Variants in TMC3 observed in about 807,000 individuals in gnomAD.
The protein encoded by TMC3 is transmembrane channel like 3.
Under a neutral mutation model 110.6 loss-of-function variants are expected in TMC3, and 98 were observed. That is an observed-to-expected ratio of 0.89 (90% confidence interval 0.75 to 1.05). The LOEUF (loss-of-function observed/expected upper bound fraction) is 1.05, where lower values mean the gene tolerates loss of function less well. Ranked by LOEUF, TMC3 falls within the 50% of genes least tolerant of loss-of-function variation. The pLI is 0.00. For synonymous variants in TMC3, 489 were observed against 513.1 expected, an observed-to-expected ratio of 0.95 and a Z score of 0.63; for missense variants, 1,319 against 1,373.2, an observed-to-expected ratio of 0.96 and a Z score of 0.62.
At chr15:81,342,003 C>G (rs962405927) in intron 15 of TMC3, among the ~76,000 whole-genome samples, 1 of 152,138 alleles carries the variant, frequency 6.6e-6, no homozygotes, top group Non-Finnish European at 1.5e-5. Context: ...AGGTAAATAT[C>G]CAGTTGATAG....
chr15:81,372,635 A>G lies in TMC3; in HGVS notation c.192T>C (p.Ile64=). 1.2e-6 allele frequency: 2 copies of G among 1,613,898 alleles called. No homozygotes were observed. The highest frequency in any genetic ancestry group is 2.2e-5 in the South Asian group (2 of 91,080). Residue 64 remains isoleucine, a synonymous_variant, in exon 2 of 22, where the codon ATT becomes ATC. Transcript: ENST00000359440. The stretch of plus-strand genomic sequence containing the variant: ...GTCCCATAGTCCAGGGTCTGCAGCG[A>G]ATGTTTGCCATGAGATCTTTCTGGA... ...IQFQKDLMAN[I]RCRPWTMGQK... is the part of the protein sequence containing the mutation.
intron 4 of TMC3, among the ~76,000 whole-genome samples, chr15:81,360,385 AAAAT>A (rs1354787067): frequency 2.6e-5 from 4 of 152,212 alleles, no homozygotes; most frequent in African/African-American, 9.6e-5. Flanking sequence ...ACTCTTCTAT[AAAAT>A]AAATTTTATT....
chr15:81,372,870 C>CGTGCGTGTGT (rs1555429987), intron 1 of TMC3, 133 bp from the exon 2 acceptor site: 6 of 554,746 alleles, frequency 1.1e-5, no homozygotes, highest in Non-Finnish European at 1.6e-5. Flanking sequence ...TGTGTTTGTG[C>CGTGCGTGTGT]GTGTGTGTGT....
chr15:81,333,748 G>A (rs1479525493), intron 21 of TMC3, among the ~76,000 whole-genome samples: 4 of 152,100 alleles, frequency 2.6e-5, no homozygotes, highest in Non-Finnish European at 4.4e-5. Context: ...CAGCGCTTTG[G>A]GAGGCCAAGG....
At chr15:81,366,398 AAGAGG>A (rs2141424390) in intron 3 of TMC3, among the ~76,000 whole-genome samples, 1 of 152,344 alleles carries the variant, frequency 6.6e-6, no homozygotes, top group Admixed American at 6.5e-5. Flanking sequence ...CGTTTTACAG[AAGAGG>A]ATGGAGGAGA....
intron 9 of TMC3, among the ~76,000 whole-genome samples, chr15:81,352,960 A>G (rs1195098296): frequency 6.6e-6 from 1 of 151,798 alleles, no homozygotes; most frequent in Non-Finnish European, 1.5e-5. Flanking sequence ...GCTGGGATTT[A>G]CAGGCATTTG....
At chr15:81,355,598 T>C (rs1349204399) in intron 9 of TMC3, 127 bp downstream of exon 9, 1 of 709,076 alleles carries the variant, frequency 1.4e-6, no homozygotes. Flanking sequence ...GATCACATTA[T>C]GAGAAAGGAA....
chr15:81,333,117 C>T lies in TMC3; in HGVS notation c.2605G>A (p.Gly869Arg), dbSNP rs1193737706. ...DFQQINPPHR[G>R]PQASTLLAQG... ...GCCAGCAAAGTCGAGGCCTGTGGTCCACGGTGAGGAGGGTTGATTTGCTGA... is the reference window on the plus strand; with the variant it reads ...GCCAGCAAAGTCGAGGCCTGTGGTCTACGGTGAGGAGGGTTGATTTGCTGA... Residue 869 changes from glycine (G) to arginine (R), a missense_variant, in exon 22 of 22, where the codon GGA becomes AGA. Coordinates refer to ENST00000359440, the MANE Select transcript of TMC3 (RefSeq NM_001080532.3). 1 of 1,613,858 alleles carries T rather than the reference C, an allele frequency of 6.2e-7. No homozygotes were observed. The highest frequency in any genetic ancestry group is 8.5e-7 in the Non-Finnish European group (1 of 1,179,902).
chr15:81,332,305 C>G lies in TMC3; in HGVS notation c.*114G>C. On this transcript the variant is annotated 3_prime_UTR_variant, in exon 22 of 22. Coordinates refer to ENST00000359440, the MANE Select transcript of TMC3 (RefSeq NM_001080532.3). ...CTCAGCTAGCAGCCGCTGACCATGC[C>G]CCTCAGGTCTCTAACACACTTGTTC... 1 of 1,403,600 alleles carries G rather than the reference C, an allele frequency of 7.1e-7. No individual in the cohort carries two copies. The highest frequency in any genetic ancestry group is 9.4e-7 in the Non-Finnish European group (1 of 1,062,236). 86.9% of individuals were successfully genotyped at this position (1,403,600 alleles called of 1,614,324 possible). A position where few individuals can be genotyped will look rare whatever the true frequency, so the allele number is the denominator to read the frequency against.
chr15:81,343,835 C>T (rs1408898335), intron 14 of TMC3, 82 bp downstream of exon 14: 1 of 1,505,968 alleles, frequency 6.6e-7, no homozygotes, highest in Non-Finnish European at 9.0e-7. Context: ...CTCAACTATG[C>T]TGGACTGTTT....
At chr15:81,351,955 G>A in intron 9 of TMC3, 114 bp from the exon 10 acceptor site, 1 of 1,267,062 alleles carries the variant, frequency 7.9e-7, no homozygotes, top group Non-Finnish European at 1.1e-6. Context: ...AGGATTCTCT[G>A]CCCTGAAGCA....
chr15:81,362,217 T>G lies in TMC3; in HGVS notation c.394+3A>C, dbSNP rs1266075106. 6.2e-7 allele frequency: 1 copy of G among 1,604,500 alleles called. No homozygotes were observed. The highest frequency in any genetic ancestry group is 2.2e-5 in the East Asian group (1 of 44,640). On this transcript the variant is annotated splice_donor_region_variant and intron_variant, in intron 4 of 21. Coordinates refer to ENST00000359440, the MANE Select transcript of TMC3 (RefSeq NM_001080532.3). ...GCCCCACTCTCCAGGTGTAAATACT[T>G]ACTCTCGATTTTCTTTATCCTCATT... is the stretch of plus-strand genomic sequence containing the variant.
intron 3 of TMC3, among the ~76,000 whole-genome samples, chr15:81,367,179 G>A (rs955295153): frequency 2.0e-5 from 3 of 151,950 alleles, no homozygotes; most frequent in Non-Finnish European, 4.4e-5. Context: ...AAAATTGGAA[G>A]CAATTTAAAT....
chr15:81,372,653 T>C lies in TMC3; in HGVS notation c.174A>G (p.Lys58=), dbSNP rs1894462549. 2 of 1,613,864 alleles carry C rather than the reference T, an allele frequency of 1.2e-6. No individual in the cohort carries two copies. Among genetic ancestry groups the C allele is most frequent in the Non-Finnish European group, 1.7e-6 (2 of 1,179,902 alleles). Residue 58 remains lysine, a synonymous_variant, in exon 2 of 22, where the codon AAA becomes AAG. Transcript: ENST00000359440. ...TGCAGCGAATGTTTGCCATGAGATC[T>C]TTCTGGAACTGTATATTCTGGAAGA... The part of the protein sequence containing the change: ...EQIFQNIQFQ[K]DLMANIRCRP...
chr15:81,345,643 G>A (rs571748271), intron 12 of TMC3, among the ~76,000 whole-genome samples: 1 of 152,128 alleles, frequency 6.6e-6, no homozygotes, highest in Non-Finnish European at 1.5e-5. Flanking sequence ...GTCGAGGCAG[G>A]GGAATCGCTT....
Position 81,334,909 on chromosome 15 carries a change from A to G in TMC3, c.2270T>C (p.Leu757Pro), listed in dbSNP as rs767916517. 25 of 1,614,048 alleles carry G rather than the reference A, an allele frequency of 1.5e-5. No individual in the cohort carries two copies. The South Asian group carries it at 2.7e-4, about 18-fold the overall frequency. Residue 757 changes from leucine to proline, a missense_variant, in exon 21 of 22, where the codon CTG becomes CCG. By Grantham distance (98) the Leu-to-Pro change is moderately conservative. Coordinates refer to ENST00000359440, the MANE Select transcript of TMC3 (RefSeq NM_001080532.3). ...GGGTGTGCCCGAGTGCGCTGAGGAC[A>G]GCTGGCTGGTAAGATCACTGTCGTT... ...LPNDSDLTSQ[L>P]SSAHSGTPQN... is the part of the protein sequence containing the mutation.
At chr15:81,343,402 C>G (rs957599875) in intron 14 of TMC3, 57 bp from the exon 15 acceptor site, 1 of 1,138,460 alleles carries the variant, frequency 8.8e-7, no homozygotes, top group Non-Finnish European at 1.3e-6. Flanking sequence ...TTGCATGAAC[C>G]AATTAATTAC....
chr15:81,372,136 C>T (rs182888561), intron 2 of TMC3, among the ~76,000 whole-genome samples: 23 of 151,208 alleles, frequency 1.5e-4, no homozygotes, highest in African/African-American at 5.6e-4. Context: ...TTTTTTTACC[C>T]AGAGGGTGGT....
chr15:81,358,991 A>T (rs531006003), intron 5 of TMC3, among the ~76,000 whole-genome samples: 3 of 152,180 alleles, frequency 2.0e-5, no homozygotes, highest in Non-Finnish European at 4.4e-5. Context: ...GCCTTTTTGT[A>T]TGGCCCAAGA....
Sources: allele counts gnomAD v4.1 joint callset (sites outside exome capture counted in the v4.1 genomes callset), GRCh38; gene constraint gnomAD v4.1.1; transcripts MANE v1.5; gene names NCBI Gene and HGNC (gene_info 2026-07-23, HGNC 2026-07-21).